The following SFI1 variants were observed in gnomAD, a reference collection of about 807,000 sequenced individuals.
The protein encoded by SFI1 is protein SFI1 homolog.
A neutral mutation model predicts 207.5 loss-of-function variants in SFI1; 195 were observed. The observed-to-expected ratio is 0.94, with a 90% CI of 0.84 to 1.06. The LOEUF is 1.06. Ranked by LOEUF, SFI1 falls within the 50% of genes least tolerant of loss-of-function variation. SFI1 has a pLI of 0.00. For missense variants in SFI1, 1,634 were observed against 1,588.0 expected, an observed-to-expected ratio of 1.03 and a Z score of -0.49; for synonymous variants, 630 against 598.9, an observed-to-expected ratio of 1.05 and a Z score of -0.76.
intron 6 of SFI1, among the ~76,000 whole-genome samples, chr22:31,551,886 G>A (rs776839604): frequency 6.6e-6 from 1 of 152,190 alleles, no homozygotes; most frequent in Non-Finnish European, 1.5e-5. Flanking sequence ...ACTAATAGGT[G>A]TATACAGGCA....
chr22:31,519,776 G>A (rs2056991510), intron 2 of SFI1, among the ~76,000 whole-genome samples: 1 of 151,802 alleles, frequency 6.6e-6, no homozygotes, highest in African/African-American at 2.4e-5. Flanking sequence ...GTCTCTCTGT[G>A]TTGCCCAGCT....
At chr22:31,537,445 C>T (rs1384160625) in intron 4 of SFI1, among the ~76,000 whole-genome samples, 1 of 152,200 alleles carries the variant, frequency 6.6e-6, no homozygotes, top group African/African-American at 2.4e-5. Context: ...TAGCCAGTGA[C>T]TGCTAGCTAA....
chr22:31,500,618 C>T (rs775951989), intron 1 of SFI1, among the ~76,000 whole-genome samples: 21 of 151,964 alleles, frequency 1.4e-4, no homozygotes, highest in Non-Finnish European at 1.9e-4. Flanking sequence ...CCACTACACC[C>T]AGCTAATTTT....
chr22:31,499,087 A>G (rs1421829586), intron 1 of SFI1, among the ~76,000 whole-genome samples: 1 of 152,002 alleles, frequency 6.6e-6, no homozygotes, highest in Non-Finnish European at 1.5e-5. Flanking sequence ...GGCTCATTGC[A>G]GACTTGAACT....
chr22:31,538,633 A>C (rs2059212089), intron 4 of SFI1: 1 of 152,372 alleles, frequency 6.6e-6, no homozygotes, highest in Admixed American at 6.6e-5. Flanking sequence ...ATCAATGATG[A>C]ATTCCTAAAC....
At chr22:31,614,675 C>A in intron 27 of SFI1, 114 bp from the exon 28 acceptor site, 1 of 1,250,910 alleles carries the variant, frequency 8.0e-7, no homozygotes, top group Non-Finnish European at 1.2e-6. Flanking sequence ...CTGACCTTGG[C>A]CTCGCCTTTC....
chr22:31,571,503 CAG>C (rs1361462804), intron 8 of SFI1, among the ~76,000 whole-genome samples: 1 of 150,180 alleles, frequency 6.7e-6, no homozygotes, highest in Non-Finnish European at 1.5e-5. Context: ...TTGGTAGAGA[CAG>C]AGTTTCGCCA....
chr22:31,616,425 T>C, intron 29 of SFI1: 1 of 301,248 alleles, frequency 3.3e-6, no homozygotes, highest in East Asian at 6.5e-5. Flanking sequence ...GTCATGAGCT[T>C]AGAGCAGGTG....
chr22:31,598,138 C>A (rs527675682), intron 15 of SFI1, among the ~76,000 whole-genome samples: 1 of 151,570 alleles, frequency 6.6e-6, no homozygotes, highest in Admixed American at 6.6e-5. Flanking sequence ...CCACCACACC[C>A]GGCTAATTTT....
intron 32 of SFI1, 42 bp from the exon 33 acceptor site, chr22:31,618,272 C>T (rs1432079190): frequency 1.2e-6 from 2 of 1,603,172 alleles, no homozygotes; most frequent in Non-Finnish European, 1.7e-6. Flanking sequence ...ACGCCCCGGG[C>T]TGTGCTCCCT....
intron 10 of SFI1, among the ~76,000 whole-genome samples, chr22:31,576,636 T>C (rs1459677268): frequency 6.6e-6 from 1 of 151,394 alleles, no homozygotes; most frequent in Non-Finnish European, 1.5e-5. Flanking sequence ...TATAAACTCT[T>C]TTTTTTCCCT....
At chr22:31,524,853 G>A (rs2057724491) in intron 2 of SFI1, among the ~76,000 whole-genome samples, 1 of 151,936 alleles carries the variant, frequency 6.6e-6, no homozygotes, top group East Asian at 1.9e-4. Flanking sequence ...GGAGTGCAGT[G>A]GTACAAATTT....
At chr22:31,524,182 A>G (rs2057626616) in intron 2 of SFI1, among the ~76,000 whole-genome samples, 1 of 152,068 alleles carries the variant, frequency 6.6e-6, no homozygotes, top group Non-Finnish European at 1.5e-5. Context: ...AGCCTGGGCG[A>G]CAGAGTGAGA....
chr22:31,601,927 G>A (rs894671442), intron 15 of SFI1, among the ~76,000 whole-genome samples: 5 of 151,924 alleles, frequency 3.3e-5, no homozygotes, highest in Admixed American at 1.3e-4. Context: ...CAGGTAGTTG[G>A]TACTACAGGC....
chr22:31,550,973 T>C (rs1290794281), intron 6 of SFI1, among the ~76,000 whole-genome samples: 1 of 152,172 alleles, frequency 6.6e-6, no homozygotes, highest in African/African-American at 2.4e-5. Flanking sequence ...GACTCTTCTG[T>C]CTAGGAAGAC....
intron 1 of SFI1, chr22:31,497,179 A>G (rs191667799): frequency 1.3e-5 from 2 of 151,700 alleles, no homozygotes; most frequent in African/African-American, 4.8e-5. Context: ...GATGTGTTGT[A>G]AATATTTGTT....
chr22:31,576,370 G>T (rs1173721580), intron 10 of SFI1, among the ~76,000 whole-genome samples: 1 of 151,820 alleles, frequency 6.6e-6, no homozygotes, highest in Non-Finnish European at 1.5e-5. Flanking sequence ...ACCCAGGCTG[G>T]ATTGCAGTGG....
At chr22:31,613,958 C>A in intron 27 of SFI1, 103 bp downstream of exon 27, 1 of 1,393,568 alleles carries the variant, frequency 7.2e-7, no homozygotes, top group South Asian at 1.6e-5. Flanking sequence ...ACGGGCTGGT[C>A]ACGGCCTTGT....
chr22:31,603,900 T>C, intron 18 of SFI1, 81 bp downstream of exon 18: 1 of 1,285,676 alleles, frequency 7.8e-7, no homozygotes, highest in South Asian at 1.4e-5. Flanking sequence ...ACAGGCAACA[T>C]ATGGGCCACA....
Sources: allele counts gnomAD v4.1 joint callset (sites outside exome capture counted in the v4.1 genomes callset), GRCh38; gene constraint gnomAD v4.1.1; transcripts MANE v1.5; gene names NCBI Gene and HGNC (gene_info 2026-07-23, HGNC 2026-07-21).